MFNG: variants seen among roughly 807,000 people sequenced by gnomAD.
MFNG encodes the protein beta-1,3-N-acetylglucosaminyltransferase manic fringe.
In MFNG, 24 loss-of-function variants were observed where a neutral mutation model predicts 34.2. The observed-to-expected ratio is 0.70, with a 90% confidence interval of 0.51 to 0.99. The LOEUF is 0.99. Among genes scored for constraint, MFNG ranks in the 50% least tolerant of loss-of-function variants. MFNG has a pLI of 0.00. For synonymous variants in MFNG, 158 were observed against 179.2 expected, an observed-to-expected ratio of 0.88 and a Z score of 0.94; for missense variants, 383 against 424.0, an observed-to-expected ratio of 0.90 and a Z score of 0.85.
chr22:37,470,547 C>T (rs1447228990), intron 7 of MFNG, among the ~76,000 whole-genome samples: 2 of 152,280 alleles, frequency 1.3e-5, no homozygotes, highest in African/African-American at 4.8e-5. Context: ...TGACGGGGAG[C>T]TCATCCTACT....
intron 5 of MFNG, 125 bp downstream of exon 5, chr22:37,476,771 C>A: frequency 1.3e-6 from 1 of 788,928 alleles, no homozygotes. Flanking sequence ...CTCTGTGACA[C>A]ACGCAAATGA....
In MFNG at chr22:37,480,755, G is replaced by A. The variant is rs768844843; in HGVS notation, c.270C>T (p.Thr90=). ...CCTGGAGGCCTTTGTCTGGGCTGTC[G>A]GTGAAGACAAATGTCTAGGAAGGAG... ...SRTREQTFVF[T]DSPDKGLQER... Residue 90 remains threonine, a synonymous_variant, in exon 2 of 8, where the codon ACC becomes ACT. Coordinates refer to ENST00000356998, the MANE Select transcript of MFNG (RefSeq NM_002405.4). The A allele has an allele frequency of 3.5e-5, 57 of 1,613,372 alleles. No individual in the cohort carries two copies. Among genetic ancestry groups the A allele is most frequent in the East Asian group, 4.5e-5 (2 of 44,884 alleles).
At chr22:37,475,212 ATTTGTTTG>A (rs535395395) in intron 5 of MFNG, among the ~76,000 whole-genome samples, 8 of 151,718 alleles carry the variant, frequency 5.3e-5, no homozygotes, top group Non-Finnish European at 1.2e-4. Context: ...TTGTGTGTTC[ATTTGTTTG>A]TTTGTTTGTT....
At position 37,469,946 on chromosome 22, in the gene MFNG, G is replaced by A. The variant is rs757243577; in HGVS notation, c.*17C>T. The A allele has an allele frequency of 5.7e-6, 9 of 1,589,218 alleles. No individual in the cohort carries two copies. The African/African-American group carries it at 1.2e-4, about 21-fold the overall frequency. On this transcript the variant is annotated 3_prime_UTR_variant, in exon 8 of 8. Coordinates refer to ENST00000356998, the MANE Select transcript of MFNG (RefSeq NM_002405.4). The stretch of plus-strand genomic sequence containing the variant: ...ACCCAGAAGTCTCTGCCCAACCTTT[G>A]CCCAGCAGTTCAGGATTCATCGGGC...
At chr22:37,473,628 T>C (rs1389223316) in intron 6 of MFNG, among the ~76,000 whole-genome samples, 1 of 152,068 alleles carries the variant, frequency 6.6e-6, no homozygotes, top group Non-Finnish European at 1.5e-5. Context: ...CAGGTGCTGG[T>C]AGGAGATGGG....
chr22:37,477,010 G>A, intron 4 of MFNG, 29 bp from the exon 5 acceptor site: 1 of 1,599,714 alleles, frequency 6.3e-7, no homozygotes, highest in South Asian at 1.1e-5. Context: ...AAGGGGCAGA[G>A]TGAGCCTGGT....
intron 6 of MFNG, among the ~76,000 whole-genome samples, chr22:37,473,813 C>G (rs929595063): frequency 6.6e-6 from 1 of 152,218 alleles, no homozygotes; most frequent in Non-Finnish European, 1.5e-5. Context: ...GTTATGTGAG[C>G]CAACAATTTC....
rs940001763 is a variant in MFNG, at chr22:37,472,603, T to A, written c.814-75A>T. ...CAAGGGGGCAGCATCCTGGCACAGG[T>A]GGAGGAGGGGTTTTAAGCTGCAGGG... On this transcript the variant is annotated intron_variant, in intron 6 of 7. Transcript: ENST00000356998. The A allele has an allele frequency of 1.0e-5, 14 of 1,373,878 alleles. 1 individual carries two copies. The highest frequency in any genetic ancestry group is 4.9e-5 in the Admixed American group (2 of 40,750). The allele number at this position is 1,373,878 out of a possible 1,614,324, so 85.1% of individuals were successfully genotyped here. A position where few individuals can be genotyped will look rare whatever the true frequency, so the allele number is the denominator to read the frequency against.
intron 3 of MFNG, among the ~76,000 whole-genome samples, chr22:37,479,964 T>C (rs1211723182): frequency 6.6e-6 from 1 of 151,814 alleles, no homozygotes; most frequent in Non-Finnish European, 1.5e-5. Context: ...GACTGCACCA[T>C]TTGCACTCCA....
At chr22:37,475,898 C>T (rs1053528838) in intron 5 of MFNG, among the ~76,000 whole-genome samples, 3 of 152,220 alleles carry the variant, frequency 2.0e-5, no homozygotes, top group Non-Finnish European at 2.9e-5. Context: ...ACAATGAGCC[C>T]GCTCTTGTCC....
chr22:37,473,582 AC>A (rs1251054233), intron 6 of MFNG, among the ~76,000 whole-genome samples: 1 of 152,046 alleles, frequency 6.6e-6, no homozygotes, highest in East Asian at 1.9e-4. Flanking sequence ...CCAACCTCAC[AC>A]CCCAGTTCCA....
chr22:37,477,050 C>T (rs1278535715), intron 4 of MFNG, 69 bp from the exon 5 acceptor site: 10 of 1,306,670 alleles, frequency 7.7e-6, no homozygotes, highest in Non-Finnish European at 1.0e-5. Context: ...GACAGCCAGG[C>T]CACCCTTCAC....
At chr22:37,478,271 A>G (rs571627092) in intron 4 of MFNG, among the ~76,000 whole-genome samples, 1 of 152,174 alleles carries the variant, frequency 6.6e-6, no homozygotes, top group South Asian at 2.1e-4. Flanking sequence ...CTGCCTCTAG[A>G]GAGGGACCTC....
At chr22:37,477,060 C>T (rs1165970475) in intron 4 of MFNG, 79 bp from the exon 5 acceptor site, 7 of 1,229,712 alleles carry the variant, frequency 5.7e-6, no homozygotes, top group South Asian at 1.2e-5. Context: ...CCACCCTTCA[C>T]CCCCAACCAG....
intron 5 of MFNG, among the ~76,000 whole-genome samples, chr22:37,476,435 C>T (rs545738434): frequency 9.2e-5 from 14 of 152,210 alleles, no homozygotes; most frequent in African/African-American, 3.4e-4. Flanking sequence ...AGCTCAAATA[C>T]CACCTCTTCC....
At chr22:37,472,800 G>A (rs1332140383) in intron 6 of MFNG, 6 of 336,540 alleles carry the variant, frequency 1.8e-5, no homozygotes, top group Non-Finnish European at 3.2e-5. Flanking sequence ...TTTGGAAACT[G>A]AGGCTCAACA....
chr22:37,474,590 GC>G lies in MFNG; in HGVS notation c.734del (p.Gly245AlafsTer19), dbSNP rs1352684090. The G allele has an allele frequency of 6.2e-7, 1 of 1,614,130 alleles. No homozygotes were observed. Among genetic ancestry groups the G allele is most frequent in the Non-Finnish European group, 8.5e-7 (1 of 1,179,984 alleles). On this transcript the variant is annotated frameshift_variant, in exon 6 of 8. Transcript: ENST00000356998. LOFTEE classifies it high-confidence loss of function. ...GAAAGAGGGGGCTGGGCTGCAGGCG[GC>G]CGCCCAGCTTGCACTCAATGATATA... is the stretch of plus-strand genomic sequence containing the variant. ...MGYIIECKLG[G>X]RLQPSPLFHS...
At chr22:37,471,041 A>G (rs940250670) in intron 7 of MFNG, among the ~76,000 whole-genome samples, 24 of 152,238 alleles carry the variant, frequency 1.6e-4, no homozygotes, top group Admixed American at 1.3e-3. Context: ...CTCCCCAGTC[A>G]ACATCAGGGC....
chr22:37,478,656 C>T (rs1441273499), intron 4 of MFNG, among the ~76,000 whole-genome samples: 2 of 151,540 alleles, frequency 1.3e-5, no homozygotes, highest in Non-Finnish European at 2.9e-5. Context: ...AATCACCCAG[C>T]CCCACAGTAT....
Sources: gnomAD v4.1 joint callset for allele counts (sites outside exome capture counted in the v4.1 genomes callset) on GRCh38, gnomAD v4.1.1 for gene constraint, MANE v1.5 for transcripts, NCBI Gene and HGNC (gene_info 2026-07-23, HGNC 2026-07-21) for gene names.